Variants in MAGI1 observed in about 807,000 individuals in gnomAD.
MAGI1 encodes membrane-associated guanylate kinase, WW and PDZ domain-containing protein 1.
Under a neutral mutation model 139.9 loss-of-function variants are expected in MAGI1, and 58 were observed. The observed-to-expected ratio is 0.41, with a 90% CI of 0.34 to 0.52. The LOEUF (loss-of-function observed/expected upper bound fraction) is 0.52, where lower values mean the gene tolerates loss of function less well. MAGI1 is among the 20% of genes least tolerant of loss of function. MAGI1 has a pLI of 0.12. For synonymous variants in MAGI1, 812 were observed against 737.9 expected, an observed-to-expected ratio of 1.10 and a Z score of -1.63; for missense variants, 1,874 against 1,901.6, an observed-to-expected ratio of 0.99 and a Z score of 0.27.
chr3:65,354,888 T>C lies in MAGI1; in HGVS notation c.*1490A>G, dbSNP rs987219551. The C allele has an allele frequency of 1.3e-5, 2 of 152,596 alleles. No individual in the cohort carries two copies. Among genetic ancestry groups the C allele is most frequent in the African/African-American group, 4.8e-5 (2 of 41,518 alleles). The allele number at this position is 152,596 out of a possible 1,614,324, so 9.5% of individuals were successfully genotyped here. On this transcript the variant is annotated 3_prime_UTR_variant, in exon 23 of 23. Coordinates refer to ENST00000402939, the MANE Select transcript of MAGI1 (RefSeq NM_001033057.2). Reference sequence around the variant, plus strand: ...CGCAATGATTGGCTGGTTTTCTTTTTTTTTTTCTTTTTCCTTTTTTTTTTT... The same window carrying C: ...CGCAATGATTGGCTGGTTTTCTTTTCTTTTTTCTTTTTCCTTTTTTTTTTT...
intron 7 of MAGI1, among the ~76,000 whole-genome samples, chr3:65,445,990 AGT>A: frequency 6.6e-6 from 1 of 152,312 alleles, no homozygotes; most frequent in East Asian, 1.9e-4. Flanking sequence ...AACAGAAAAC[AGT>A]GTGTGTGCAC....
chr3:65,978,621 C>CTTTT (rs373662388), intron 1 of MAGI1, among the ~76,000 whole-genome samples: 5 of 129,156 alleles, frequency 3.9e-5, no homozygotes, highest in South Asian at 2.5e-4. Context: ...CTCAAAATTT[C>CTTTT]TTTTTTTTTT....
intron 6 of MAGI1, among the ~76,000 whole-genome samples, chr3:65,448,936 T>C (rs1948845690): frequency 6.6e-6 from 1 of 152,098 alleles, no homozygotes; most frequent in African/African-American, 2.4e-5. Flanking sequence ...AAGTGGCTCC[T>C]ATAAGCTTCA....
At chr3:65,936,022 T>C (rs531975176) in intron 1 of MAGI1, among the ~76,000 whole-genome samples, 5 of 152,166 alleles carry the variant, frequency 3.3e-5, no homozygotes, top group Non-Finnish European at 5.9e-5. Context: ...CAATAACAAA[T>C]CATTGGTTTT....
intron 1 of MAGI1, among the ~76,000 whole-genome samples, chr3:66,027,442 G>C (rs1321514374): frequency 6.6e-6 from 1 of 152,038 alleles, no homozygotes; most frequent in African/African-American, 2.4e-5. Flanking sequence ...CTAGTAGCTG[G>C]GACTACAAGC....
intron 1 of MAGI1, among the ~76,000 whole-genome samples, chr3:65,982,887 G>A (rs1274525428): frequency 1.3e-5 from 2 of 152,072 alleles, no homozygotes; most frequent in African/African-American, 4.8e-5. Context: ...ATTTTTGTTT[G>A]TTTGTTTCTT....
chr3:65,814,080 A>G (rs1477588601), intron 1 of MAGI1, among the ~76,000 whole-genome samples: 1 of 152,130 alleles, frequency 6.6e-6, no homozygotes, highest in East Asian at 1.9e-4. Flanking sequence ...TTACATAAAA[A>G]TATACACAAA....
chr3:65,381,635 T>C (rs903583993), intron 16 of MAGI1, among the ~76,000 whole-genome samples: 4 of 152,158 alleles, frequency 2.6e-5, no homozygotes, highest in Non-Finnish European at 4.4e-5. Context: ...AAGTAATATA[T>C]ATTCAACTAG....
chr3:65,690,029 G>C (rs1041483597), intron 1 of MAGI1, among the ~76,000 whole-genome samples: 1 of 152,064 alleles, frequency 6.6e-6, no homozygotes, highest in African/African-American at 2.4e-5. Flanking sequence ...CCTACTCCTT[G>C]GCACAAGAGC....
Position 65,470,304 on chromosome 3 carries a change from T to C in MAGI1, c.938A>G (p.Asn313Ser). ...TTACTCTATAAAATAGACTTCTCCA[T>C]TTTCAGTATAGGCCATCTCCCAGTT... is the stretch of plus-strand genomic sequence containing the variant. ...PENWEMAYTE[N>S]GEVYFIDHNT... Residue 313 changes from asparagine (N) to serine (S), a missense_variant, in exon 5 of 23, where the codon AAT (asparagine) becomes AGT (serine). Coordinates refer to ENST00000402939, the MANE Select transcript of MAGI1 (RefSeq NM_001033057.2). 6.2e-7 allele frequency: 1 copy of C among 1,610,778 alleles called. No homozygotes were observed. Among genetic ancestry groups the C allele is most frequent in the Non-Finnish European group, 8.5e-7 (1 of 1,177,124 alleles).
intron 2 of MAGI1, among the ~76,000 whole-genome samples, chr3:65,602,636 GA>G (rs1198541254): frequency 6.6e-6 from 1 of 151,958 alleles, no homozygotes; most frequent in Non-Finnish European, 1.5e-5. Context: ...TGTACACCTT[GA>G]GAATAAACTA....
At chr3:65,555,696 A>C (rs571631923) in intron 2 of MAGI1, among the ~76,000 whole-genome samples, 1 of 152,310 alleles carries the variant, frequency 6.6e-6, no homozygotes, top group South Asian at 2.1e-4. Context: ...TCTCTACAAA[A>C]AAATAAAAGA....
chr3:65,822,305 A>T (rs150827923), intron 1 of MAGI1, among the ~76,000 whole-genome samples: 101 of 152,308 alleles, frequency 6.6e-4, no homozygotes, highest in African/African-American at 2.4e-3. Flanking sequence ...AGGCAGGCAG[A>T]TGACTTGAGG....
At chr3:65,848,095 G>T (rs1359288236) in intron 1 of MAGI1, among the ~76,000 whole-genome samples, 1 of 152,162 alleles carries the variant, frequency 6.6e-6, no homozygotes, top group Non-Finnish European at 1.5e-5. Flanking sequence ...TTACCCAAAG[G>T]ACAGGAAATT....
At chr3:65,671,125 T>C (rs1350216405) in intron 1 of MAGI1, among the ~76,000 whole-genome samples, 3 of 152,210 alleles carry the variant, frequency 2.0e-5, no homozygotes, top group Non-Finnish European at 4.4e-5. Flanking sequence ...AAACTGTTAA[T>C]ATCCCCATTT....
intron 2 of MAGI1, among the ~76,000 whole-genome samples, chr3:65,554,777 T>C (rs973335853): frequency 1.3e-5 from 2 of 152,212 alleles, no homozygotes; most frequent in Non-Finnish European, 2.9e-5. Context: ...GGGCATTCTA[T>C]GGAATAACTA....
intron 2 of MAGI1, among the ~76,000 whole-genome samples, chr3:65,573,725 G>T (rs1438677581): frequency 6.6e-6 from 1 of 152,088 alleles, no homozygotes; most frequent in East Asian, 1.9e-4. Flanking sequence ...TTTACTAGAG[G>T]CTATAGCCAG....
chr3:65,430,062 A>G lies in MAGI1; in HGVS notation c.1625T>C (p.Ile542Thr), dbSNP rs751789399. The change falls in exon 12 of 23, where the codon ATC becomes ACC. Residue 542 changes from isoleucine to threonine, a missense_variant. By Grantham distance (89) the Ile-to-Thr change is moderately conservative (BLOSUM62 -1). Transcript: ENST00000402939. ...AAGGTCCACGCTGGCACCAATGGGGATGGACTGGAAGATCTTCACAACTTG... is the reference window on the plus strand; with the variant it reads ...AAGGTCCACGCTGGCACCAATGGGGGTGGACTGGAAGATCTTCACAACTTG... ...HAQVVKIFQS[I>T]PIGASVDLEL... is the part of the protein sequence containing the mutation. The G allele has an allele frequency of 6.2e-7, 1 of 1,613,832 alleles. No individual in the cohort carries two copies. Among genetic ancestry groups the G allele is most frequent in the Admixed American group, 1.7e-5 (1 of 59,948 alleles).
chr3:65,503,585 G>A lies in MAGI1; in HGVS notation c.431-9954C>T, dbSNP rs191131833. On this transcript the variant is annotated intron_variant, in intron 2 of 22. Transcript: ENST00000402939. ...GTGTAAAGACAATTATTTTATTCCAGCTATAACTTGCATGTTTGGGATCAG... is the reference window on the plus strand; with the variant it reads ...GTGTAAAGACAATTATTTTATTCCAACTATAACTTGCATGTTTGGGATCAG... 5.3e-5 allele frequency among the ~76,000 whole-genome samples: 8 copies of A among 151,988 alleles called. No homozygotes were observed. In the East Asian group the frequency reaches 1.3e-3, roughly 26 times the overall value.
Sources: gnomAD v4.1 joint callset for allele counts (sites outside exome capture counted in the v4.1 genomes callset) on GRCh38, gnomAD v4.1.1 for gene constraint, MANE v1.5 for transcripts, NCBI Gene and HGNC (gene_info 2026-07-23, HGNC 2026-07-21) for gene names.